The following INTS15 variants were observed in gnomAD, a reference collection of about 807,000 sequenced individuals.
The protein encoded by INTS15 is uncharacterized protein C7orf26.
chr7:6,607,917 C>T, the INTS15 span: 1 of 1,593,674 alleles, frequency 6.3e-7, no homozygotes, highest in South Asian at 1.1e-5. This position sits in a 1 kb window ranked among gnomAD's most constrained non-coding sequence, Gnocchi z 6.0. Flanking sequence ...CCTGCGGAGT[C>T]CCCGGAGCCC....
the INTS15 span, chr7:6,591,905 C>T: frequency 6.3e-7 from 1 of 1,586,664 alleles, no homozygotes; most frequent in Non-Finnish European, 8.6e-7. Context: ...GGTGCGGTGG[C>T]TCATGCCTGT....
chr7:6,590,921 C>G, the INTS15 span, among the ~76,000 whole-genome samples: 1 of 151,862 alleles, frequency 6.6e-6, no homozygotes, highest in Non-Finnish European at 1.5e-5. Flanking sequence ...TCACTACAAC[C>G]TTGAACTCCT....
chr7:6,598,832 G>A, the INTS15 span, among the ~76,000 whole-genome samples: 2 of 144,786 alleles, frequency 1.4e-5, no homozygotes, highest in Non-Finnish European at 3.0e-5. Context: ...TGTTGCTCAG[G>A]CTGTTGTACA....
the INTS15 span, among the ~76,000 whole-genome samples, chr7:6,596,674 C>T: frequency 6.8e-4 from 103 of 151,384 alleles, 1 homozygote; most frequent in African/African-American, 2.3e-3. Context: ...CCACTGTGCC[C>T]GGCCACCTTT....
At chr7:6,602,715 C>T in the INTS15 span, 20 of 471,038 alleles carry the variant, frequency 4.2e-5, no homozygotes, top group Admixed American at 4.7e-4. Flanking sequence ...TCATCCTACT[C>T]CTTGCCACGT....
chr7:6,606,713 C>G, the INTS15 span, among the ~76,000 whole-genome samples: 1 of 83,102 alleles, frequency 1.2e-5, no homozygotes, highest in South Asian at 4.0e-4. Flanking sequence ...TTTTTTTTTT[C>G]TTTGAGACAG....
the INTS15 span, among the ~76,000 whole-genome samples, chr7:6,607,118 T>A: frequency 6.8e-6 from 1 of 148,082 alleles, no homozygotes; most frequent in Non-Finnish European, 1.5e-5. This position sits in a 1 kb window ranked among gnomAD's most constrained non-coding sequence, Gnocchi z 6.0. Context: ...CAGGGAGTTC[T>A]GGGGGGTTGG....
At chr7:6,599,716 A>G in the INTS15 span, 5 of 1,026,496 alleles carry the variant, frequency 4.9e-6, no homozygotes, top group Non-Finnish European at 7.2e-6. Context: ...GGCGTGATCC[A>G]GACCATCAGG....
the INTS15 span, among the ~76,000 whole-genome samples, chr7:6,598,641 G>A: frequency 6.6e-6 from 1 of 151,784 alleles, no homozygotes; most frequent in East Asian, 1.9e-4. Flanking sequence ...GTGCACACAG[G>A]CAGCCTAAGG....
At chr7:6,599,956 G>C in the INTS15 span, 1 of 1,614,194 alleles carries the variant, frequency 6.2e-7, no homozygotes, top group Non-Finnish European at 8.5e-7. Context: ...GATTCTTAGA[G>C]CTCACCCCGC....
the INTS15 span, among the ~76,000 whole-genome samples, chr7:6,590,801 G>A: frequency 6.6e-6 from 1 of 152,072 alleles, no homozygotes; most frequent in Non-Finnish European, 1.5e-5. Context: ...TGATCTGTAT[G>A]GCTTTCTTCT....
the INTS15 span, chr7:6,602,246 T>G: frequency 1.2e-6 from 1 of 855,356 alleles, no homozygotes; most frequent in Non-Finnish European, 1.8e-6. Flanking sequence ...GAGAGCCCAG[T>G]AAGCACATGA....
the INTS15 span, chr7:6,600,433 A>G: frequency 7.1e-7 from 1 of 1,415,880 alleles, no homozygotes; most frequent in African/African-American, 1.4e-5. Flanking sequence ...GCTCCTGGAC[A>G]GACACTGTTT....
At chr7:6,605,043 A>T in the INTS15 span, among the ~76,000 whole-genome samples, 2 of 151,982 alleles carry the variant, frequency 1.3e-5, no homozygotes, top group African/African-American at 2.4e-5. Context: ...CCCAGGCTAG[A>T]GTGCAGTGGT....
the INTS15 span, chr7:6,600,221 C>T: frequency 1.9e-6 from 3 of 1,614,110 alleles, no homozygotes; most frequent in Admixed American, 1.7e-5. Flanking sequence ...CATGGTCCCG[C>T]TGGTAGAGGA....
the INTS15 span, chr7:6,590,164 C>T: frequency 1.2e-6 from 1 of 847,874 alleles, no homozygotes; most frequent in Non-Finnish European, 1.6e-6. Flanking sequence ...GGCGGGCAAG[C>T]GGGCGGGTGC....
the INTS15 span, chr7:6,601,974 T>A: frequency 1.2e-6 from 1 of 826,726 alleles, no homozygotes. Flanking sequence ...AGTTTCTAAA[T>A]GACACTAGGG....
At chr7:6,591,466 A>G in the INTS15 span, among the ~76,000 whole-genome samples, 1 of 151,162 alleles carries the variant, frequency 6.6e-6, no homozygotes, top group African/African-American at 2.4e-5. Flanking sequence ...GGGTTTCACC[A>G]TGTTGGCCAG....
At chr7:6,590,198 C>G in the INTS15 span, 142 of 1,253,164 alleles carry the variant, frequency 1.1e-4, no homozygotes, top group Non-Finnish European at 1.4e-4. Flanking sequence ...CGGGTCGCGC[C>G]TCTTTGTTTC....
Sources: gnomAD v4.1 joint callset for allele counts (sites outside exome capture counted in the v4.1 genomes callset) on GRCh38, gnomAD v4.1.1 for gene constraint, Gnocchi (gnomAD v3.1) non-coding constraint, MANE v1.5 for transcripts, NCBI Gene and HGNC (gene_info 2026-07-23, HGNC 2026-07-21) for gene names.